The following ATP7B variants were observed in gnomAD, a reference collection of about 807,000 sequenced individuals.
ATP7B encodes the protein ATPase copper transporting beta.
In ATP7B, 113 loss-of-function variants were observed where a neutral mutation model predicts 118.9. The observed-to-expected ratio is 0.95, with a 90% CI of 0.82 to 1.11. The LOEUF is 1.11. Among genes scored for constraint, ATP7B ranks in the 50% most tolerant of loss-of-function variants. The pLI is 0.00. For synonymous variants in ATP7B, 777 were observed against 727.4 expected (o/e 1.07, Z -1.10); for missense variants, 1,867 against 1,871.4 (o/e 1.00, Z 0.04).
Position 51,935,030 on chromosome 13 carries a change from C to G in ATP7B, c.4125-1G>C, listed in dbSNP as rs1293549383. On this transcript the variant is annotated splice_acceptor_variant, in intron 20 of 20. Transcript: ENST00000242839. LOFTEE classifies it high-confidence loss of function. ...CCTCTCCAGGTCAGGCTTCTTATAG[C>G]TGGAAAGCAGGAACGCAACAGCATC... is the stretch of plus-strand genomic sequence containing the variant. 1.2e-6 allele frequency: 2 copies of G among 1,613,816 alleles called. No individual in the cohort carries two copies. Among genetic ancestry groups the G allele is most frequent in the Non-Finnish European group, 1.7e-6 (2 of 1,180,006 alleles).
rs574140804 is a variant in ATP7B at position 51,985,381 on chromosome 13, T to C, written c.52-10213A>G. Among the ~76,000 whole-genome samples the C allele has an allele frequency of 1.5e-3, 229 of 152,294 alleles. 1 individual carries two copies. The highest frequency in any genetic ancestry group is 2.6e-3 in the Non-Finnish European group (177 of 68,024). On this transcript the variant is annotated intron_variant, in intron 1 of 20. Coordinates refer to ENST00000242839, the MANE Select transcript of ATP7B (RefSeq NM_000053.4). ...AGAAGAGCTAACTATCCTAAATATA[T>C]ATGCACCCAATACAGGAACACCCAG...
rs375809415 is a variant in ATP7B at position 51,959,117 on chromosome 13, C to G, written c.2122-573G>C. On this transcript the variant is annotated intron_variant, in intron 7 of 20. Transcript: ENST00000242839. ...AGCAACACTGGGGAATGAGATTGGGCGGGAGGCAGAATGTGATCAGTGAAA... is the reference window on the plus strand; with the variant it reads ...AGCAACACTGGGGAATGAGATTGGGGGGGAGGCAGAATGTGATCAGTGAAA... 141 of 159,716 alleles carry G rather than the reference C, an allele frequency of 8.8e-4. No homozygotes were observed. In the Middle Eastern group the frequency reaches 0.01, roughly 11 times the overall value. 9.9% of individuals were successfully genotyped at this position (159,716 alleles called of 1,614,324 possible).
intron 6 of ATP7B, among the ~76,000 whole-genome samples, chr13:51,961,056 T>C (rs993438480): frequency 5.9e-5 from 9 of 152,164 alleles, no homozygotes; most frequent in Non-Finnish European, 1.0e-4. Flanking sequence ...GCCCCAGGCA[T>C]GCCTACTGAA....
chr13:51,984,403 T>C (rs930389654), intron 1 of ATP7B, among the ~76,000 whole-genome samples: 3 of 151,896 alleles, frequency 2.0e-5, no homozygotes, highest in African/African-American at 7.3e-5. Flanking sequence ...CTCCAAGAAA[T>C]ATAAGACTAT....
chr13:51,950,545 G>A (rs777984821), intron 9 of ATP7B, 146 bp from the exon 10 acceptor site: 47 of 1,285,262 alleles, frequency 3.7e-5, no homozygotes, highest in South Asian at 5.0e-5. Flanking sequence ...GATATTTATC[G>A]TGCAGCTGCT....
chr13:51,957,939 C>T, intron 8 of ATP7B: 1 of 458,626 alleles, frequency 2.2e-6, no homozygotes, highest in East Asian at 4.4e-5. Flanking sequence ...AGATACATTT[C>T]AGTGTTGGGG....
intron 1 of ATP7B, among the ~76,000 whole-genome samples, chr13:52,000,084 C>T (rs1266961938): frequency 6.6e-6 from 1 of 152,170 alleles, no homozygotes; most frequent in African/African-American, 2.4e-5. Flanking sequence ...CCAGCTCAGC[C>T]CTTGGACCTC....
chr13:51,943,987 C>T (rs182646741), intron 14 of ATP7B, 122 bp downstream of exon 14: 1 of 1,248,926 alleles, frequency 8.0e-7, no homozygotes, highest in Non-Finnish European at 1.1e-6. Flanking sequence ...GCAGAAGGGC[C>T]CTCTAAGTGG....
At chr13:51,935,232 C>T (rs536651668) in intron 20 of ATP7B, among the ~76,000 whole-genome samples, 4 of 152,348 alleles carry the variant, frequency 2.6e-5, no homozygotes, top group African/African-American at 9.6e-5. Flanking sequence ...AAATGCCTTG[C>T]ACATTGTAGG....
intron 6 of ATP7B, 126 bp from the exon 7 acceptor site, chr13:51,960,448 G>T: frequency 8.4e-7 from 1 of 1,194,500 alleles, no homozygotes; most frequent in Non-Finnish European, 1.2e-6. Context: ...AGACCACCAG[G>T]GGTTAAAATG....
chr13:51,987,098 A>G (rs1304872333), intron 1 of ATP7B, among the ~76,000 whole-genome samples: 1 of 152,112 alleles, frequency 6.6e-6, no homozygotes, highest in Non-Finnish European at 1.5e-5. Flanking sequence ...GAAATAAAGG[A>G]TATTCAAATA....
Position 51,937,305 on chromosome 13 carries a change from T to C in ATP7B, c.3992A>G (p.Tyr1331Cys). The C allele has an allele frequency of 1.2e-6, 2 of 1,614,212 alleles. No homozygotes were observed. The highest frequency in any genetic ancestry group is 1.7e-6 in the Non-Finnish European group (2 of 1,180,026). Residue 1331 changes from tyrosine (Y) to cysteine (C), a missense_variant, in exon 19 of 21, where the codon TAT becomes TGT. By Grantham distance (194) the Tyr-to-Cys change is radical (BLOSUM62 -2). Transcript: ENST00000242839. ...IRINLVLALI[Y>C]NLVGIPIAAG... Reference sequence around the variant, plus strand: ...TGCAATGGGTATCCCAACCAGGTTATAAATCAGTGCCAGGACCAGGTTGAT... The same window carrying C: ...TGCAATGGGTATCCCAACCAGGTTACAAATCAGTGCCAGGACCAGGTTGAT...
rs777320373 is a variant in ATP7B at position 51,941,058 on chromosome 13, A to G, written c.3556+23T>C. 210 of 1,614,070 alleles carry G rather than the reference A, an allele frequency of 1.3e-4. 1 individual carries two copies. The highest frequency in any genetic ancestry group is 8.2e-4 in the Middle Eastern group (5 of 6,084). On this transcript the variant is annotated intron_variant, in intron 16 of 20. Coordinates refer to ENST00000242839, the MANE Select transcript of ATP7B (RefSeq NM_000053.4). ...AAAACTGTATTTCTGAGAGAGCGGA[A>G]GGAAGGCAGAAGCAGAAGATACCGT...
intron 2 of ATP7B, among the ~76,000 whole-genome samples, chr13:51,972,107 C>T (rs1182113753): frequency 6.6e-6 from 1 of 152,178 alleles, no homozygotes; most frequent in Non-Finnish European, 1.5e-5. Context: ...GTGCCCCTTC[C>T]CTCCTTATCT....
Position 51,970,660 on chromosome 13 carries a change from C to G in ATP7B, c.1375G>C (p.Val459Leu). 1 of 1,614,180 alleles carries G rather than the reference C, an allele frequency of 6.2e-7. No homozygotes were observed. ...TDGTPTSVQEVAPHTGRLPAN... is the reference protein window; with the variant it reads ...TDGTPTSVQELAPHTGRLPAN... ...GGGAGCCTCCCAGTGTGGGGAGCCACTTCCTGCACAGATGTAGGTGTACCA... is the reference window on the plus strand; with the variant it reads ...GGGAGCCTCCCAGTGTGGGGAGCCAGTTCCTGCACAGATGTAGGTGTACCA... Residue 459 changes from valine to leucine, a missense_variant, in exon 3 of 21, where the codon GTG becomes CTG. Coordinates refer to ENST00000242839, the MANE Select transcript of ATP7B (RefSeq NM_000053.4).
At chr13:51,950,238 T>A (rs762372712) in intron 10 of ATP7B, 34 bp downstream of exon 10, 2 of 1,614,152 alleles carry the variant, frequency 1.2e-6, no homozygotes, top group East Asian at 2.2e-5. Context: ...TGCTATGATA[T>A]CCTCCTGAGG....
intron 1 of ATP7B, among the ~76,000 whole-genome samples, chr13:51,986,389 CA>C (rs1952651692): frequency 1.3e-5 from 2 of 152,260 alleles, no homozygotes; most frequent in East Asian, 3.9e-4. Flanking sequence ...CCTGAATAGA[CA>C]AATAACAAGT....
Position 51,950,135 on chromosome 13 carries a change from G to T in ATP7B, c.2602C>A (p.Pro868Thr). The T allele has an allele frequency of 6.2e-7, 1 of 1,614,204 alleles. No individual in the cohort carries two copies. The highest frequency in any genetic ancestry group is 8.5e-7 in the Non-Finnish European group (1 of 1,180,042). Residue 868 changes from proline to threonine, a missense_variant, in exon 11 of 21, where the codon CCC (proline) becomes ACC (threonine). By Grantham distance (38) the Pro-to-Thr change is conservative. Coordinates refer to ENST00000242839, the MANE Select transcript of ATP7B (RefSeq NM_000053.4). The stretch of plus-strand genomic sequence containing the variant: ...GACCCCGCAATTACAGTGCTTCCGG[G>T]TTTCTTAGTGACTGGCATGGCTTCT... ...TGEAMPVTKK[P>T]GSTVIAGSIN... is the part of the protein sequence containing the mutation.
Position 51,946,392 on chromosome 13 carries a change from G to C in ATP7B, c.2952C>G (p.Pro984=). 7 of 1,614,048 alleles carry C rather than the reference G, an allele frequency of 4.3e-6. No homozygotes were observed. The highest frequency in any genetic ancestry group is 5.9e-6 in the Non-Finnish European group (7 of 1,180,030). Residue 984 remains proline, a synonymous_variant, in exon 13 of 21, where the codon CCC becomes CCG. Transcript: ENST00000242839. ...TSITVLCIAC[P]CSLGLATPTA... is the part of the protein sequence containing the mutation. ...TGGGCGTGGCCAGCCCCAGGGAGCA[G>C]GGGCAGGCAATGCACAGCACCGTGA...
Sources: gnomAD v4.1 joint callset for allele counts (sites outside exome capture counted in the v4.1 genomes callset) on GRCh38, gnomAD v4.1.1 for gene constraint, MANE v1.5 for transcripts, NCBI Gene and HGNC (gene_info 2026-07-23, HGNC 2026-07-21) for gene names.